Variants in ZNF69 observed in about 807,000 individuals in gnomAD.
ZNF69 encodes ZNF3.
ZNF69 carries 47 observed loss-of-function variants against 50.9 expected under a neutral mutation model. That is an observed-to-expected ratio of 0.92 (90% CI 0.73 to 1.18). The LOEUF is 1.18. Among genes scored for constraint, ZNF69 ranks in the 50% most tolerant of loss-of-function variants. The probability of loss-of-function intolerance (pLI) is 0.00; values close to 1 mark genes in which losing one functional copy is unlikely to be tolerated. For synonymous variants in ZNF69, 216 were observed against 223.1 expected (o/e 0.97, Z 0.29); for missense variants, 717 against 675.1 (o/e 1.06, Z -0.69).
At chr19:11,936,238 T>C in the ZNF69 span, among the ~76,000 whole-genome samples, 19 of 152,350 alleles carry the variant, frequency 1.2e-4, no homozygotes, top group Middle Eastern at 3.4e-3. Flanking sequence ...GTATTTCTAG[T>C]TCTAGATCCT....
Position 11,906,170 on chromosome 19 carries a change from G to A in ZNF69, c.*72G>A, listed in dbSNP as rs1972371021. 2 of 1,568,216 alleles carry A rather than the reference G, an allele frequency of 1.3e-6. No homozygotes were observed. The highest frequency in any genetic ancestry group is 2.7e-5 in the African/African-American group (2 of 72,852). The stretch of plus-strand genomic sequence containing the variant: ...CACACAATCAAGAGAAACCATGAAT[G>A]TAAAGAATGTGGGAAACCCTTCAGG... On this transcript the variant is annotated 3_prime_UTR_variant, in exon 4 of 4. Transcript: ENST00000429654.
chr19:11,902,693 C>A, intron 1 of ZNF69, among the ~76,000 whole-genome samples: 1 of 151,044 alleles, frequency 6.6e-6, no homozygotes, highest in East Asian at 1.9e-4. Context: ...AGGGGCTCCC[C>A]CTCCTGCTCT....
At chr19:11,948,263 T>C in the ZNF69 span, 2 of 1,608,416 alleles carry the variant, frequency 1.2e-6, no homozygotes, top group Non-Finnish European at 1.7e-6. Context: ...GATGTGTTTC[T>C]CATGTTTTAC....
At chr19:11,921,486 TTTTGTTTGTTTG>T in the ZNF69 span, among the ~76,000 whole-genome samples, 11 of 150,732 alleles carry the variant, frequency 7.3e-5, no homozygotes, top group South Asian at 2.1e-4. Flanking sequence ...GGAAAATTTC[TTTTGTTTGTTTG>T]TTTGTTTGTT....
chr19:11,910,757 C>T (rs1231991328), downstream of ZNF69, among the ~76,000 whole-genome samples: 1 of 152,122 alleles, frequency 6.6e-6, no homozygotes, highest in Non-Finnish European at 1.5e-5. Context: ...AGGACATAGG[C>T]ATGGGCAAGG....
rs574083874 is a variant in ZNF69 at position 11,893,775 on chromosome 19, G to T, written c.63+5789G>T. 2.6e-5 allele frequency among the ~76,000 whole-genome samples: 4 copies of T among 152,272 alleles called. No homozygotes were observed. In the East Asian group the frequency reaches 7.7e-4, roughly 29 times the overall value. On this transcript the variant is annotated intron_variant, in intron 1 of 3. Coordinates refer to ENST00000429654, the MANE Select transcript of ZNF69 (RefSeq NM_001364730.1). ...CAGCTGAATGCCTTGTGGTGGAGGA[G>T]ATGCCTGGTATACTCTTCATCTACA...
chr19:11,950,426 C>T, the ZNF69 span: 32 of 767,804 alleles, frequency 4.2e-5, no homozygotes, highest in Non-Finnish European at 7.0e-5. Context: ...ATTCCTTTTA[C>T]TTCTTTTCAA....
chr19:11,903,059 C>A (rs995174368), intron 1 of ZNF69, among the ~76,000 whole-genome samples: 3 of 152,134 alleles, frequency 2.0e-5, no homozygotes, highest in African/African-American at 7.2e-5. Context: ...ATTGCATGAA[C>A]CCAGGAGTAA....
chr19:11,977,303 A>T, the ZNF69 span: 1 of 1,606,338 alleles, frequency 6.2e-7, no homozygotes, highest in Non-Finnish European at 8.5e-7. Flanking sequence ...AATCATAGAC[A>T]TAGAATCTAA....
chr19:11,979,346 G>A, the ZNF69 span: 11 of 1,611,086 alleles, frequency 6.8e-6, no homozygotes, highest in Admixed American at 1.7e-5. Context: ...ACTCACTGGA[G>A]AGAAACCCTA....
At chr19:11,945,292 A>C in the ZNF69 span, among the ~76,000 whole-genome samples, 2 of 152,104 alleles carry the variant, frequency 1.3e-5, no homozygotes, top group Admixed American at 6.6e-5. Flanking sequence ...AGTCTGCAGA[A>C]CCCTACTGCT....
At chr19:11,969,863 A>T in the ZNF69 span, among the ~76,000 whole-genome samples, 1 of 152,156 alleles carries the variant, frequency 6.6e-6, no homozygotes, top group Non-Finnish European at 1.5e-5. Flanking sequence ...TGTCTTTGGG[A>T]TGAGGTTCCT....
chr19:11,918,986 C>T (rs1294304183), downstream of ZNF69, among the ~76,000 whole-genome samples: 2 of 151,848 alleles, frequency 1.3e-5, no homozygotes, highest in South Asian at 2.1e-4. Context: ...ACCTCCGCCT[C>T]CCGGGTTCAC....
chr19:11,964,938 G>A, the ZNF69 span: 2 of 455,478 alleles, frequency 4.4e-6, no homozygotes, highest in East Asian at 8.4e-5. Flanking sequence ...GGCTTCCGCT[G>A]TCACTCAGAA....
chr19:11,978,738 C>T, the ZNF69 span: 1 of 1,613,902 alleles, frequency 6.2e-7, no homozygotes, highest in Non-Finnish European at 8.5e-7. Context: ...CAGTTCTTTT[C>T]AAGCACATAA....
At chr19:11,916,982 G>A (rs1200051291), downstream of ZNF69, among the ~76,000 whole-genome samples, 1 of 152,096 alleles carries the variant, frequency 6.6e-6, no homozygotes, top group Non-Finnish European at 1.5e-5. Context: ...ATCCTTCATA[G>A]TAAGTGGGTA....
the ZNF69 span, among the ~76,000 whole-genome samples, chr19:11,928,586 G>T: frequency 6.7e-6 from 1 of 149,574 alleles, no homozygotes; most frequent in South Asian, 2.1e-4. Flanking sequence ...CAAAAAATTA[G>T]CCGGGCGTAG....
intron 1 of ZNF69, among the ~76,000 whole-genome samples, chr19:11,900,716 G>A (rs1056858044): frequency 1.3e-5 from 2 of 152,028 alleles, no homozygotes; most frequent in African/African-American, 4.8e-5. Flanking sequence ...TATACCTTTT[G>A]GGTACAAATC....
chr19:11,979,782 G>A, the ZNF69 span: 8 of 1,580,516 alleles, frequency 5.1e-6, no homozygotes, highest in Non-Finnish European at 6.9e-6. Flanking sequence ...ACTCACACTG[G>A]AGAGAAACCC....
Sources: gnomAD v4.1 joint callset for allele counts (sites outside exome capture counted in the v4.1 genomes callset) on GRCh38, gnomAD v4.1.1 for gene constraint, MANE v1.5 for transcripts, NCBI Gene and HGNC (gene_info 2026-07-23, HGNC 2026-07-21) for gene names.